Variants in COX15 observed in about 807,000 individuals in gnomAD.
COX15 encodes the protein cytochrome c oxidase assembly factor COX15, also known as heme A synthase COX15.
Under a neutral mutation model 51.9 loss-of-function variants are expected in COX15, and 51 were observed. That is an observed-to-expected ratio of 0.98 (90% CI 0.78 to 1.24). The LOEUF (loss-of-function observed/expected upper bound fraction) is 1.24, where lower values mean the gene tolerates loss of function less well. Among genes scored for constraint, COX15 ranks in the 50% most tolerant of loss-of-function variants. COX15 has a pLI of 0.00. For missense variants in COX15, 420 were observed against 501.1 expected (o/e 0.84, Z 1.55); for synonymous variants, 188 against 190.5 (o/e 0.99, Z 0.11).
intron 3 of COX15, 57 bp from the exon 4 acceptor site, chr10:99,727,211 T>C: frequency 2.5e-6 from 4 of 1,587,676 alleles, no homozygotes; most frequent in Non-Finnish European, 3.5e-6. Context: ...CTGATTTTTA[T>C]TTTCTTACGG....
chr10:99,726,608 C>T (rs2036957318), intron 4 of COX15, among the ~76,000 whole-genome samples: 1 of 152,030 alleles, frequency 6.6e-6, no homozygotes, highest in African/African-American at 2.4e-5. Context: ...CAACTAGGGG[C>T]CGGGCGCAGT....
chr10:99,706,041 G>T (rs1045510467), downstream of COX15: 1 of 152,116 alleles, frequency 6.6e-6, no homozygotes, highest in Non-Finnish European at 1.5e-5. Flanking sequence ...TCCCACGGCT[G>T]GGAGCATTTT....
chr10:99,705,620 TG>T, the COX15 span: 1 of 152,200 alleles, frequency 6.6e-6, no homozygotes, highest in African/African-American at 2.4e-5. Context: ...GGAATGTATT[TG>T]GGTTGTTTTT....
At chr10:99,729,468 A>C in intron 2 of COX15, 85 bp downstream of exon 2, 5 of 1,477,150 alleles carry the variant, frequency 3.4e-6, no homozygotes, top group Non-Finnish European at 2.8e-6. Flanking sequence ...TCAAAAAAAA[A>C]AAAAAAAAAA....
rs139851090 is a variant in COX15 at position 99,713,205 on chromosome 10, C to T, written c.*1382G>A. On this transcript the variant is annotated 3_prime_UTR_variant, in exon 9 of 9. Coordinates refer to ENST00000016171, the MANE Select transcript of COX15 (RefSeq NM_078470.6). ...TGAATACTACTTGGTTCATATTGAA[C>T]CTGAGGACAACTAAAATCCCGTCTT... is the stretch of plus-strand genomic sequence containing the variant. 229 of 1,392,940 alleles carry T rather than the reference C, an allele frequency of 1.6e-4. 1 individual carries two copies. The African/African-American group carries it at 2.7e-3, about 17-fold the overall frequency. 86.3% of individuals were successfully genotyped at this position (1,392,940 alleles called of 1,614,324 possible). A position where few individuals can be genotyped will look rare whatever the true frequency, so the allele number is the denominator to read the frequency against.
chr10:99,726,863 G>A, intron 4 of COX15, 105 bp downstream of exon 4: 2 of 1,189,474 alleles, frequency 1.7e-6, no homozygotes, highest in Non-Finnish European at 2.4e-6. Flanking sequence ...ACTCCAGCCT[G>A]GGCGACACAG....
At position 99,711,186 on chromosome 10, in the gene COX15, A is replaced by C; in HGVS notation, c.*3401T>G. The C allele has an allele frequency of 1.0e-6, 1 of 985,406 alleles. No homozygotes were observed. Among genetic ancestry groups the C allele is most frequent in the African/African-American group, 1.7e-5 (1 of 57,370 alleles). 61.0% of individuals were successfully genotyped at this position (985,406 alleles called of 1,614,324 possible). A position where few individuals can be genotyped will look rare whatever the true frequency, so the allele number is the denominator to read the frequency against. Reference sequence around the variant, plus strand: ...CTAAATGCAACCAGTTGTTTTTCCAAATGTACTCATCATCTGTAATAAAAG... The same window carrying C: ...CTAAATGCAACCAGTTGTTTTTCCACATGTACTCATCATCTGTAATAAAAG... On this transcript the variant is annotated 3_prime_UTR_variant, in exon 9 of 9. Coordinates refer to ENST00000016171, the MANE Select transcript of COX15 (RefSeq NM_078470.6).
At chr10:99,701,026 CT>C in the COX15 span, 4 of 1,614,112 alleles carry the variant, frequency 2.5e-6, no homozygotes, top group Non-Finnish European at 3.4e-6. Flanking sequence ...AGAATGGCCT[CT>C]TTTCATCACA....
intron 8 of COX15, among the ~76,000 whole-genome samples, chr10:99,716,006 T>TTTTA (rs1291333882): frequency 2.1e-5 from 3 of 142,708 alleles, no homozygotes; most frequent in African/African-American, 7.8e-5. Context: ...TTTTTTTTTT[T>TTTTA]AAACAGACAG....
downstream of COX15, among the ~76,000 whole-genome samples, chr10:99,707,700 T>C (rs932280404): frequency 6.6e-6 from 1 of 152,238 alleles, no homozygotes; most frequent in Non-Finnish European, 1.5e-5. Context: ...GTCCGTGGCT[T>C]GTAGTGATGC....
rs2036459528 is a variant in COX15 at position 99,713,337 on chromosome 10, T to C, written c.*1250A>G. 1.2e-6 allele frequency: 2 copies of C among 1,609,944 alleles called. No homozygotes were observed. Among genetic ancestry groups the C allele is most frequent in the Admixed American group, 1.7e-5 (1 of 59,998 alleles). On this transcript the variant is annotated 3_prime_UTR_variant, in exon 9 of 9. Transcript: ENST00000016171. ...TCTAATCTGTTTAATTTCATCTCGA[T>C]GGGGTCATTCTGGGACTGTTTTCAG...
Position 99,732,086 on chromosome 10 carries a change from A to G in COX15, c.-37T>C. The stretch of plus-strand genomic sequence containing the variant: ...GGAACAGCCACCTCTTCCACAACCC[A>G]GGGCTCTGTGGTCTCCCTCCTCCGC... On this transcript the variant is annotated 5_prime_UTR_variant, in exon 1 of 9. Transcript: ENST00000016171. 6.2e-7 allele frequency: 1 copy of G among 1,600,008 alleles called. No individual in the cohort carries two copies. The highest frequency in any genetic ancestry group is 8.5e-7 in the Non-Finnish European group (1 of 1,173,096).
Position 99,726,929 on chromosome 10 carries a change from G to A in COX15, c.582+39C>T, listed in dbSNP as rs2036972312. The A allele has an allele frequency of 2.0e-6, 3 of 1,530,762 alleles. No homozygotes were observed. In the East Asian group the frequency reaches 6.8e-5, roughly 34 times the overall value. The allele number at this position is 1,530,762 out of a possible 1,614,324, so 94.8% of individuals were successfully genotyped here. ...AAACAATGCCAACTAGGAAGCTCCT[G>A]GGAGCATTTCTGGTTTCTCAACCTT... On this transcript the variant is annotated intron_variant, in intron 4 of 8. Transcript: ENST00000016171.
downstream of COX15, chr10:99,709,716 C>A: frequency 1.0e-6 from 1 of 985,384 alleles, no homozygotes; most frequent in Non-Finnish European, 1.2e-6. Context: ...CTTGTTCAAG[C>A]TTCATTTTAA....
chr10:99,729,316 G>T (rs749696330), intron 2 of COX15, among the ~76,000 whole-genome samples: 7 of 152,010 alleles, frequency 4.6e-5, no homozygotes, highest in Admixed American at 1.3e-4. Flanking sequence ...CAAAAAATTA[G>T]CCAGATATGG....
At chr10:99,702,400 G>A in the COX15 span, 21 of 868,046 alleles carry the variant, frequency 2.4e-5, no homozygotes, top group East Asian at 2.8e-4. Context: ...AAGGTGAAGC[G>A]GGAGGAGGTA....
Position 99,727,557 on chromosome 10 carries a change from T to C in COX15, c.279A>G (p.Thr93=). 6.2e-7 allele frequency: 1 copy of C among 1,613,642 alleles called. No individual in the cohort carries two copies. The highest frequency in any genetic ancestry group is 8.5e-7 in the Non-Finnish European group (1 of 1,180,028). ...AVILGGVTRL[T]ESGLSMVDWH... is the part of the protein sequence containing the mutation. ...AATCTACCATCGAGAGGCCAGACTC[T>C]GTCAACCTTAGGATAGGAAAGAAAT... is the stretch of plus-strand genomic sequence containing the variant. Residue 93 remains threonine, a synonymous_variant, in exon 3 of 9, where the codon ACA becomes ACG. Transcript: ENST00000016171.
Position 99,716,464 on chromosome 10 carries a change from G to A in COX15, c.988-3C>T, listed in dbSNP as rs745556177. 24 of 1,595,736 alleles carry A rather than the reference G, an allele frequency of 1.5e-5. No individual in the cohort carries two copies. Among genetic ancestry groups the A allele is most frequent in the Non-Finnish European group, 2.0e-5 (23 of 1,163,698 alleles). ...ATGGCAGTGACTGAAGTGATTCCCT[G>A]CAGGGAAGAAAGAGTCTATCACATT... On this transcript the variant is annotated splice_region_variant and splice_polypyrimidine_tract_variant and intron_variant, in intron 7 of 8. Coordinates refer to ENST00000016171, the MANE Select transcript of COX15 (RefSeq NM_078470.6).
downstream of COX15, among the ~76,000 whole-genome samples, chr10:99,706,633 C>T (rs1251962131): frequency 6.6e-6 from 1 of 152,130 alleles, no homozygotes; most frequent in African/African-American, 2.4e-5. Context: ...CTGCACCTGC[C>T]CTCTGTTTCC....
Sources: allele counts gnomAD v4.1 joint callset (sites outside exome capture counted in the v4.1 genomes callset), GRCh38; gene constraint gnomAD v4.1.1; transcripts MANE v1.5; gene names NCBI Gene and HGNC (gene_info 2026-07-23, HGNC 2026-07-21).